ZC3H12B: variants seen among roughly 807,000 people sequenced by gnomAD.
ZC3H12B encodes the protein zinc finger CCCH-type containing 12B.
In ZC3H12B, 7 loss-of-function variants were observed where a neutral mutation model predicts 43.9. The observed-to-expected ratio is 0.16, with a 90% CI of 0.09 to 0.30. The LOEUF is 0.30. ZC3H12B is among the 10% of genes least tolerant of loss of function. The probability of loss-of-function intolerance (pLI) is 1.00; values close to 1 mark genes in which losing one functional copy is unlikely to be tolerated. For synonymous variants in ZC3H12B, 222 were observed against 241.7 expected (o/e 0.92, Z 0.76); for missense variants, 475 against 670.2 (o/e 0.71, Z 3.22).
At chrX:65,095,142 G>T in the ZC3H12B span, among the ~76,000 whole-genome samples, 2 of 111,923 alleles carry the variant, frequency 1.8e-5, no homozygotes, top group Non-Finnish European at 1.9e-5. Context: ...CTGTTCTGAT[G>T]AAATCAATGG....
At position 65,375,228 on chromosome X, in the gene ZC3H12B, G is replaced by A. The variant is rs375626633; in HGVS notation, n.295+6230G>A. Among the ~76,000 whole-genome samples, 520 of 112,090 alleles carry A rather than the reference G, an allele frequency of 4.6e-3. 1 individual carries two copies. The highest frequency in any genetic ancestry group is 8.0e-3 in the Non-Finnish European group (423 of 53,203). On this transcript the variant is annotated intron_variant and non_coding_transcript_variant, in intron 2 of 5. Coordinates refer to the ZC3H12B transcript ENST00000617377. ...ATAAAGCAAAACAGGACTGAACTCA[G>A]CTGATGCCCGCCAATGGAGGAGGCA...
chrX:65,340,914 G>A, the ZC3H12B span, among the ~76,000 whole-genome samples: 2 of 112,063 alleles, frequency 1.8e-5, no homozygotes, highest in East Asian at 2.8e-4. Context: ...AGATCATTGA[G>A]ATGCAGAATA....
At chrX:65,465,742 CTT>C (rs779111547) in intron 3 of ZC3H12B, among the ~76,000 whole-genome samples, 1 of 110,724 alleles carries the variant, frequency 9.0e-6, no homozygotes, top group Non-Finnish European at 1.9e-5. Flanking sequence ...ATTTTAATCT[CTT>C]ATCTCTTTTA....
the ZC3H12B span, among the ~76,000 whole-genome samples, chrX:65,249,400 T>A: frequency 3.6e-5 from 4 of 112,115 alleles, no homozygotes; most frequent in Admixed American, 9.5e-5. Flanking sequence ...GGTTCTCCAC[T>A]TTGTTCCATT....
intron 3 of ZC3H12B, among the ~76,000 whole-genome samples, chrX:65,417,658 T>G (rs1189819878): frequency 8.9e-6 from 1 of 112,743 alleles, no homozygotes; most frequent in Non-Finnish European, 1.9e-5. Context: ...ATTTCTGGCC[T>G]TTCTCTAGTC....
chrX:65,211,299 A>G, the ZC3H12B span, among the ~76,000 whole-genome samples: 1 of 108,872 alleles, frequency 9.2e-6, no homozygotes, highest in Non-Finnish European at 1.9e-5. Context: ...GTAAGAATTT[A>G]TTCTTGTAAC....
chrX:65,404,226 A>C (rs181044916), intron 3 of ZC3H12B, among the ~76,000 whole-genome samples: 25 of 112,064 alleles, frequency 2.2e-4, no homozygotes, highest in Admixed American at 1.9e-3. Context: ...CAAACAACAA[A>C]AAAAATTACA....
At chrX:65,363,062 C>T (rs986290852), upstream of ZC3H12B, among the ~76,000 whole-genome samples, 6 of 111,654 alleles carry the variant, frequency 5.4e-5, no homozygotes, top group Admixed American at 3.8e-4. Flanking sequence ...CAGCAACTTA[C>T]CTGGGCTGTA....
the ZC3H12B span, among the ~76,000 whole-genome samples, chrX:65,249,547 T>A: frequency 1.8e-5 from 2 of 111,860 alleles, no homozygotes; most frequent in Non-Finnish European, 3.8e-5. Context: ...GTGGGCTTAC[T>A]TTTGGTTCCA....
the ZC3H12B span, among the ~76,000 whole-genome samples, chrX:65,326,334 T>C: frequency 9.0e-6 from 1 of 111,196 alleles, no homozygotes; most frequent in Non-Finnish European, 1.9e-5. Flanking sequence ...AAACAAACAA[T>C]TCAATTAAGA....
At chrX:65,291,335 A>T in the ZC3H12B span, among the ~76,000 whole-genome samples, 1 of 111,971 alleles carries the variant, frequency 8.9e-6, no homozygotes, top group Non-Finnish European at 1.9e-5. Context: ...TTTTAACGAG[A>T]TATTTTCACT....
chrX:65,312,363 T>C, the ZC3H12B span, among the ~76,000 whole-genome samples: 1 of 110,124 alleles, frequency 9.1e-6, no homozygotes, highest in African/African-American at 3.3e-5. Flanking sequence ...GTGGCCTCTG[T>C]GGGTTGGATA....
chrX:65,285,996 C>A, the ZC3H12B span, among the ~76,000 whole-genome samples: 2 of 111,789 alleles, frequency 1.8e-5, no homozygotes, highest in South Asian at 7.4e-4. Context: ...CTATAGAAAG[C>A]AGTTTGGAGA....
intron 3 of ZC3H12B, among the ~76,000 whole-genome samples, chrX:65,472,138 C>G (rs942832035): frequency 9.0e-6 from 1 of 111,551 alleles, no homozygotes; most frequent in Non-Finnish European, 1.9e-5. Flanking sequence ...AAAAATAGGA[C>G]CCCAGTTCCT....
At chrX:65,154,910 T>C in the ZC3H12B span, among the ~76,000 whole-genome samples, 1 of 111,484 alleles carries the variant, frequency 9.0e-6, no homozygotes, top group African/African-American at 3.3e-5. Flanking sequence ...GTAGGGTTTT[T>C]AAATGGTTAT....
chrX:65,079,266 C>G, the ZC3H12B span, among the ~76,000 whole-genome samples: 1 of 112,899 alleles, frequency 8.9e-6, no homozygotes, highest in South Asian at 3.6e-4. Context: ...AGGATGGCAC[C>G]TCTGGACCCA....
chrX:65,475,247 A>T (rs1214620536), intron 3 of ZC3H12B, among the ~76,000 whole-genome samples: 1 of 111,711 alleles, frequency 9.0e-6, no homozygotes, highest in Non-Finnish European at 1.9e-5. Flanking sequence ...ATTAATCTAT[A>T]TATCTCTATT....
At chrX:65,332,654 G>T in the ZC3H12B span, among the ~76,000 whole-genome samples, 3 of 111,266 alleles carry the variant, frequency 2.7e-5, no homozygotes, top group Non-Finnish European at 5.7e-5. Flanking sequence ...AGAGATGACT[G>T]GTTGGTTCAC....
chrX:65,418,060 C>T (rs1569401040), intron 3 of ZC3H12B, among the ~76,000 whole-genome samples: 2 of 111,900 alleles, frequency 1.8e-5, no homozygotes, highest in Non-Finnish European at 3.8e-5. Flanking sequence ...CTTAACAAAA[C>T]ATAAAGGGCT....
Sources: gnomAD v4.1 joint callset for allele counts (sites outside exome capture counted in the v4.1 genomes callset) on GRCh38, gnomAD v4.1.1 for gene constraint, MANE v1.5 for transcripts, NCBI Gene and HGNC (gene_info 2026-07-23, HGNC 2026-07-21) for gene names.